The following RNPEP variants were observed in gnomAD, a reference collection of about 807,000 sequenced individuals.
RNPEP encodes arginyl aminopeptidase, also known as aminopeptidase B.
RNPEP carries 57 observed loss-of-function variants against 70.1 expected under a neutral mutation model. The ratio of observed to expected loss-of-function variants is 0.81; its 90% CI spans 0.66 to 1.01. The LOEUF is 1.01. RNPEP is among the 50% of genes least tolerant of loss of function. The pLI, the probability that RNPEP is intolerant of heterozygous loss-of-function variation, is 0.00. For missense variants in RNPEP, 787 were observed against 852.4 expected, an observed-to-expected ratio of 0.92 and a Z score of 0.96; for synonymous variants, 335 against 357.4, an observed-to-expected ratio of 0.94 and a Z score of 0.71.
chr1:202,003,617 A>G (rs991264814), intron 9 of RNPEP, among the ~76,000 whole-genome samples, 156 bp downstream of exon 9: 7 of 151,624 alleles, frequency 4.6e-5, no homozygotes, highest in Non-Finnish European at 7.4e-5. Flanking sequence ...CCGGGAGGTT[A>G]TGGGTTAGGG....
intron 3 of RNPEP, among the ~76,000 whole-genome samples, chr1:201,993,182 C>T (rs1381683197): frequency 1.3e-5 from 2 of 152,180 alleles, no homozygotes; most frequent in Non-Finnish European, 2.9e-5. Flanking sequence ...TGTTTAAAGC[C>T]AAATCTCTTC....
At chr1:202,004,554 G>A in intron 10 of RNPEP, 58 bp downstream of exon 10, 3 of 1,596,126 alleles carry the variant, frequency 1.9e-6, no homozygotes, top group South Asian at 2.2e-5. Flanking sequence ...TCGGCCATAT[G>A]TGAAGTAATC....
Position 202,005,873 on chromosome 1 carries a change from G to C in RNPEP, c.*157G>C, listed in dbSNP as rs1684044932. The C allele has an allele frequency of 5.8e-6, 5 of 866,944 alleles. No homozygotes were observed. The highest frequency in any genetic ancestry group is 1.7e-5 in the South Asian group (1 of 58,148). 53.7% of individuals were successfully genotyped at this position (866,944 alleles called of 1,614,324 possible). A position where few individuals can be genotyped will look rare whatever the true frequency, so the allele number is the denominator to read the frequency against. On this transcript the variant is annotated 3_prime_UTR_variant, in exon 11 of 11. Coordinates refer to ENST00000295640, the MANE Select transcript of RNPEP (RefSeq NM_020216.4). Reference sequence around the variant, plus strand: ...AGGTATCTGTGACTCTTGGGCCTCTGCTCTGGTGGGAACTTACTTCTCTAT... The same window carrying C: ...AGGTATCTGTGACTCTTGGGCCTCTCCTCTGGTGGGAACTTACTTCTCTAT...
chr1:202,001,521 C>T (rs370261027), intron 7 of RNPEP, 33 bp downstream of exon 7: 25 of 1,534,462 alleles, frequency 1.6e-5, no homozygotes, highest in East Asian at 4.5e-5. Flanking sequence ...GGAAGAGGAG[C>T]GGATAAAGCC....
rs932015757 is a variant in RNPEP at position 201,982,653 on chromosome 1, A to G, written c.-14A>G. The G allele has an allele frequency of 3.2e-6, 4 of 1,267,214 alleles. No homozygotes were observed. Among genetic ancestry groups the G allele is most frequent in the Non-Finnish European group, 4.0e-6 (4 of 1,007,100 alleles). The allele number at this position is 1,267,214 out of a possible 1,614,324, so 78.5% of individuals were successfully genotyped here. A position where few individuals can be genotyped will look rare whatever the true frequency, so the allele number is the denominator to read the frequency against. ...GGGTTCGCGGCCCGGCCGGTGAGCA[A>G]CGGCTCTGCGGCCATGGCGAGCGGC... On this transcript the variant is annotated 5_prime_UTR_variant, in exon 1 of 11. Transcript: ENST00000295640.
At chr1:201,993,750 G>C (rs1409134760) in intron 3 of RNPEP, among the ~76,000 whole-genome samples, 1 of 152,172 alleles carries the variant, frequency 6.6e-6, no homozygotes, top group Non-Finnish European at 1.5e-5. Flanking sequence ...CTGCACTCCA[G>C]CCTGGGCAAC....
intron 3 of RNPEP, among the ~76,000 whole-genome samples, chr1:201,995,105 GTTTTGT>G (rs56343000): frequency 0.84 from 127,176 of 151,250 alleles, 55,503 homozygotes; most frequent in East Asian, 0.98. Flanking sequence ...GGATCTTCTT[GTTTTGT>G]TTTTGTTTTT....
intron 1 of RNPEP, chr1:201,983,889 A>G: frequency 1.0e-6 from 1 of 992,702 alleles, no homozygotes; most frequent in Non-Finnish European, 1.2e-6. Flanking sequence ...TCTCAGGTAG[A>G]GTTGGTTGCA....
At position 202,003,466 on chromosome 1, in the gene RNPEP, G is replaced by GA. The variant is rs1558268876; in HGVS notation, c.1651+11dup. The GA allele has an allele frequency of 1.3e-6, 2 of 1,598,416 alleles. No individual in the cohort carries two copies. The highest frequency in any genetic ancestry group is 1.7e-5 in the Admixed American group (1 of 58,872). On this transcript the variant is annotated splice_donor_region_variant and intron_variant, in intron 9 of 10. Transcript: ENST00000295640. The stretch of plus-strand genomic sequence containing the variant: ...AGAAATCCCCTCTCCCTCCTGGTAA[G>GA]AAAAAATGGTGAACCAGGGCTCCTT...
chr1:201,993,709 G>A (rs557144514), intron 3 of RNPEP, among the ~76,000 whole-genome samples: 2 of 152,280 alleles, frequency 1.3e-5, no homozygotes, highest in South Asian at 4.1e-4. Flanking sequence ...AACCCGGGAG[G>A]TGGAGCTTGC....
chr1:201,989,567 G>T, intron 3 of RNPEP, 36 bp downstream of exon 3: 1 of 1,612,470 alleles, frequency 6.2e-7, no homozygotes, highest in South Asian at 1.1e-5. Context: ...AGGTTGGATT[G>T]GCCTCAGAGG....
chr1:201,985,191 TAAAAAAAAA>T (rs57050499), intron 1 of RNPEP, among the ~76,000 whole-genome samples: 1 of 142,070 alleles, frequency 7.0e-6, no homozygotes, highest in Admixed American at 7.0e-5. Flanking sequence ...AGGCTCCATC[TAAAAAAAAA>T]AAAAAAAAAT....
intron 4 of RNPEP, among the ~76,000 whole-genome samples, chr1:201,997,008 T>G (rs1453665963): frequency 6.6e-6 from 1 of 152,100 alleles, no homozygotes; most frequent in African/African-American, 2.4e-5. Context: ...GGGAACTCCA[T>G]GTGATGGAGC....
intron 3 of RNPEP, among the ~76,000 whole-genome samples, chr1:201,992,986 A>T (rs1683395695): frequency 6.6e-6 from 1 of 152,158 alleles, no homozygotes; most frequent in South Asian, 2.1e-4. Flanking sequence ...CTGTTCTAAG[A>T]CTTTACTCTT....
chr1:201,984,468 T>A (rs11590299), intron 1 of RNPEP, among the ~76,000 whole-genome samples: 83,918 of 151,974 alleles, frequency 0.55, 23,518 homozygotes, highest in Non-Finnish European at 0.6. Flanking sequence ...GAGTAGTGGC[T>A]TTGAATAGAA....
At position 202,005,579 on chromosome 1, in the gene RNPEP, C is replaced by A; in HGVS notation, c.1816C>A (p.Pro606Thr). 1 of 1,614,188 alleles carries A rather than the reference C, an allele frequency of 6.2e-7. No individual in the cohort carries two copies. Among genetic ancestry groups the A allele is most frequent in the South Asian group, 1.1e-5 (1 of 91,082 alleles). The change falls in exon 11 of 11, where the codon CCG becomes ACG. Residue 606 changes from proline to threonine, a missense_variant. Pro to Thr is a conservative substitution (Grantham distance 38). Coordinates refer to ENST00000295640, the MANE Select transcript of RNPEP (RefSeq NM_020216.4). ...HNQGKQKYTLPLYHAMMGGSE... is the reference protein window; with the variant it reads ...HNQGKQKYTLTLYHAMMGGSE... The stretch of plus-strand genomic sequence containing the variant: ...GCAGGGGAAGCAGAAGTATACACTT[C>A]CGCTGTACCACGCAATGATGGGTGG...
intron 3 of RNPEP, among the ~76,000 whole-genome samples, chr1:201,994,880 A>G (rs1226037077): frequency 1.7e-5 from 2 of 120,538 alleles, no homozygotes; most frequent in Non-Finnish European, 3.3e-5. Context: ...GCCTTTCACC[A>G]TGTTGGTCAG....
intron 1 of RNPEP, among the ~76,000 whole-genome samples, chr1:201,986,735 T>C (rs1216987945): frequency 6.6e-6 from 1 of 151,334 alleles, no homozygotes; most frequent in Non-Finnish European, 1.5e-5. Flanking sequence ...ACACAGGGTT[T>C]CACTGTGTTG....
intron 3 of RNPEP, among the ~76,000 whole-genome samples, chr1:201,990,269 C>T (rs1683279036): frequency 6.6e-6 from 1 of 152,216 alleles, no homozygotes; most frequent in African/African-American, 2.4e-5. Context: ...GAAATAACAA[C>T]TTTGGTATCA....
Sources: gnomAD v4.1 joint callset for allele counts (sites outside exome capture counted in the v4.1 genomes callset) on GRCh38, gnomAD v4.1.1 for gene constraint, MANE v1.5 for transcripts, NCBI Gene and HGNC (gene_info 2026-07-23, HGNC 2026-07-21) for gene names.